The following FANCB variants were observed in gnomAD, a reference collection of about 807,000 sequenced individuals.
FANCB encodes Fanconi anemia group B protein.
A neutral mutation model predicts 38.9 loss-of-function variants in FANCB; 5 were observed. The ratio of observed to expected loss-of-function variants is 0.13; its 90% CI spans 0.07 to 0.27. The LOEUF is 0.27. FANCB is among the 10% of genes least tolerant of loss of function. The probability of loss-of-function intolerance (pLI) is 1.00; values close to 1 mark genes in which losing one functional copy is unlikely to be tolerated. For synonymous variants in FANCB, 236 were observed against 215.4 expected (o/e 1.10, Z -0.84); for missense variants, 573 against 602.7 (o/e 0.95, Z 0.52).
At chrX:14,871,654 A>ATATATATATAT in intron 1 of FANCB, among the ~76,000 whole-genome samples, 1 of 110,556 alleles carries the variant, frequency 9.0e-6, no homozygotes, top group African/African-American at 3.3e-5. Flanking sequence ...ATATATATAT[A>ATATATATATAT]ATCATGGTTA....
At chrX:14,721,642 G>A in the FANCB span, among the ~76,000 whole-genome samples, 1 of 111,299 alleles carries the variant, frequency 9.0e-6, no homozygotes, top group Non-Finnish European at 1.9e-5. Flanking sequence ...ACAAAGAATC[G>A]TACAGTCCCA....
At chrX:14,839,320 A>AC (rs1251733340), downstream of FANCB, among the ~76,000 whole-genome samples, 2 of 111,012 alleles carry the variant, frequency 1.8e-5, no homozygotes, top group Non-Finnish European at 3.8e-5. Context: ...AACAACAACA[A>AC]AAAAAACGGA....
chrX:14,692,513 C>A, the FANCB span, among the ~76,000 whole-genome samples: 1 of 112,031 alleles, frequency 8.9e-6, no homozygotes, highest in Non-Finnish European at 1.9e-5. Flanking sequence ...TAATACTGCT[C>A]AGGTTTCCCA....
At chrX:14,837,361 G>T (rs966568846) in intron 10 of FANCB, among the ~76,000 whole-genome samples, 8 of 112,243 alleles carry the variant, frequency 7.1e-5, no homozygotes, top group African/African-American at 2.3e-4. Context: ...TACATAAAGG[G>T]CTATTTAGAG....
the FANCB span, among the ~76,000 whole-genome samples, chrX:14,695,373 T>C: frequency 1.8e-5 from 2 of 111,730 alleles, no homozygotes; most frequent in African/African-American, 6.5e-5. Flanking sequence ...AAAGAATGCA[T>C]TTGGCAAAGG....
chrX:14,810,969 C>G, the FANCB span, among the ~76,000 whole-genome samples: 1 of 111,214 alleles, frequency 9.0e-6, no homozygotes, highest in South Asian at 3.8e-4. Flanking sequence ...GCGGATCTCT[C>G]GGCAGAAACT....
chrX:14,831,973 T>A (rs1266241845), downstream of FANCB, among the ~76,000 whole-genome samples: 1 of 111,936 alleles, frequency 8.9e-6, no homozygotes, highest in Non-Finnish European at 1.9e-5. Context: ...CAATCATGTT[T>A]ACAGTCCCCT....
At chrX:14,808,948 C>A in the FANCB span, among the ~76,000 whole-genome samples, 1 of 111,855 alleles carries the variant, frequency 8.9e-6, no homozygotes, top group South Asian at 3.7e-4. Flanking sequence ...AAAGTAATCC[C>A]ATTTACAATA....
At chrX:14,735,866 G>A in the FANCB span, among the ~76,000 whole-genome samples, 1 of 111,729 alleles carries the variant, frequency 9.0e-6, no homozygotes, top group Non-Finnish European at 1.9e-5. Context: ...TGTGTCCCAG[G>A]GAGATGGGAG....
At chrX:14,812,340 C>CA in the FANCB span, among the ~76,000 whole-genome samples, 1 of 109,247 alleles carries the variant, frequency 9.2e-6, no homozygotes, top group African/African-American at 3.4e-5. Context: ...GAAATAGAGA[C>CA]ACAAAAAACC....
intron 1 of FANCB, among the ~76,000 whole-genome samples, chrX:14,870,184 C>T (rs187173199): frequency 3.6e-3 from 402 of 111,306 alleles, no homozygotes; most frequent in Non-Finnish European, 6.5e-3. Flanking sequence ...TTTTAAAGTT[C>T]TTGGGATATG....
At chrX:14,706,298 C>G in the FANCB span, among the ~76,000 whole-genome samples, 1 of 111,885 alleles carries the variant, frequency 8.9e-6, no homozygotes, top group Non-Finnish European at 1.9e-5. Flanking sequence ...GATTCACTAG[C>G]ACATTAAAGC....
Position 14,843,836 on chromosome X carries a change from T to C in FANCB, c.2311A>G (p.Ser771Gly), listed in dbSNP as rs750381270. 22 of 1,208,293 alleles carry C rather than the reference T, an allele frequency of 1.8e-5. No individual in the cohort carries two copies. In the Admixed American group the frequency reaches 4.8e-4, roughly 26 times the overall value. Residue 771 changes from serine to glycine, a missense_variant, in exon 10 of 10, where the codon AGT becomes GGT. Ser to Gly is a moderately conservative substitution (Grantham distance 56). Coordinates refer to ENST00000650831, the MANE Select transcript of FANCB (RefSeq NM_001018113.3). ...FTLEKELVTL[S>G]SLSSAIAKHE... Reference sequence around the variant, plus strand: ...TTAGCTATGGCAGAAGAAAGAGAACTAAGGGTGACTAGTTCCTTCTCCAAA... The same window carrying C: ...TTAGCTATGGCAGAAGAAAGAGAACCAAGGGTGACTAGTTCCTTCTCCAAA...
chrX:14,787,946 C>T, the FANCB span, among the ~76,000 whole-genome samples: 296 of 71,441 alleles, frequency 4.1e-3, 1 homozygote, highest in Non-Finnish European at 5.9e-3. Flanking sequence ...AAACTGAGAT[C>T]CAGTGAGAAA....
At chrX:14,871,044 A>G (rs929194690) in intron 1 of FANCB, among the ~76,000 whole-genome samples, 5 of 111,267 alleles carry the variant, frequency 4.5e-5, no homozygotes, top group Admixed American at 2.9e-4. Flanking sequence ...TTCTCCCTAC[A>G]TAAGTTATTT....
the FANCB span, among the ~76,000 whole-genome samples, chrX:14,798,047 G>A: frequency 5.4e-5 from 6 of 111,770 alleles, no homozygotes; most frequent in South Asian, 3.8e-4. Context: ...TCATGCAAGC[G>A]GGTGTGAAAA....
At chrX:14,708,798 C>T in the FANCB span, among the ~76,000 whole-genome samples, 2 of 111,329 alleles carry the variant, frequency 1.8e-5, no homozygotes, top group South Asian at 3.8e-4. Flanking sequence ...TAGCCGGGCA[C>T]GGTGGCTCAT....
the FANCB span, among the ~76,000 whole-genome samples, chrX:14,760,157 A>G: frequency 8.9e-6 from 1 of 112,643 alleles, no homozygotes; most frequent in African/African-American, 3.2e-5. Context: ...CACACATAAC[A>G]ATATTAACCT....
the FANCB span, among the ~76,000 whole-genome samples, chrX:14,729,232 C>T: frequency 8.9e-6 from 1 of 111,791 alleles, no homozygotes; most frequent in Admixed American, 9.5e-5. Context: ...GAGTTTAGTG[C>T]CTCTGGTGAC....
Sources: allele counts gnomAD v4.1 joint callset (sites outside exome capture counted in the v4.1 genomes callset), GRCh38; gene constraint gnomAD v4.1.1; transcripts MANE v1.5; gene names NCBI Gene and HGNC (gene_info 2026-07-23, HGNC 2026-07-21).